The following TCERG1 variants were observed in gnomAD, a reference collection of about 807,000 sequenced individuals.
The protein encoded by TCERG1 is transcription elongation regulator 1.
In TCERG1, 37 loss-of-function variants were observed where a neutral mutation model predicts 144.7. That is an observed-to-expected ratio of 0.26 (90% CI 0.20 to 0.34). The LOEUF (loss-of-function observed/expected upper bound fraction) is 0.34. Among genes scored for constraint, TCERG1 ranks in the 10% least tolerant of loss-of-function variants. TCERG1 has a pLI of 1.00. For missense variants in TCERG1, 1,027 were observed against 1,380.7 expected (o/e 0.74, Z 4.06); for synonymous variants, 492 against 458.2 (o/e 1.07, Z -0.94).
rs867965453 is a variant in TCERG1 at position 146,503,974 on chromosome 5, A to C, written c.2749A>C (p.Ile917Leu). Residue 917 changes from isoleucine (I) to leucine (L), a missense_variant, in exon 19 of 23, where the codon ATC becomes CTC. This residue lies in a region of TCERG1 where 133 missense variants were observed against 283.2 expected (regional missense o/e 0.47). Transcript: ENST00000679501. Reference protein sequence around the residue: ...EREQHKREEAIQNFKALLSDM... With the variant: ...EREQHKREEALQNFKALLSDM... ...AGAGCAGCACAAACGAGAAGAAGCTATCCAGAATTTCAAAGCTCTTCTGTC... is the reference window on the plus strand; with the variant it reads ...AGAGCAGCACAAACGAGAAGAAGCTCTCCAGAATTTCAAAGCTCTTCTGTC... The C allele has an allele frequency of 6.3e-7, 1 of 1,590,810 alleles. No homozygotes were observed. The highest frequency in any genetic ancestry group is 2.2e-5 in the East Asian group (1 of 44,652).
At position 146,454,199 on chromosome 5, in the gene TCERG1, CA is replaced by C. The variant is rs781116110; in HGVS notation, c.60-845del. 8.9e-3 allele frequency among the ~76,000 whole-genome samples: 1,093 copies of C among 122,826 alleles called. 18 individuals are homozygous for C. Among genetic ancestry groups the C allele is most frequent in the African/African-American group, 0.026 (853 of 32,810 alleles). The allele number at this position is 122,826 out of a possible 152,430, so 80.6% of individuals were successfully genotyped here. A position where few individuals can be genotyped will look rare whatever the true frequency, so the allele number is the denominator to read the frequency against. ...CTGGCAAGAGAGTGAGACTTGGTCT[CA>C]AAAAAAAAAAAGAAAAGAAAAGAAA... is the stretch of plus-strand genomic sequence containing the variant. On this transcript the variant is annotated intron_variant, in intron 1 of 22. Coordinates refer to ENST00000679501, the MANE Select transcript of TCERG1 (RefSeq NM_001382548.1).
At chr5:146,506,653 C>T (rs1768025505) in intron 19 of TCERG1, among the ~76,000 whole-genome samples, 1 of 152,218 alleles carries the variant, frequency 6.6e-6, no homozygotes, top group Non-Finnish European at 1.5e-5. Context: ...ACTCCTCATT[C>T]TCTCCCTTGT....
intron 15 of TCERG1, among the ~76,000 whole-genome samples, chr5:146,489,003 C>T (rs1278059254): frequency 6.6e-6 from 1 of 152,128 alleles, no homozygotes; most frequent in Admixed American, 6.5e-5. Context: ...AAGTTGATGT[C>T]ATAGAAGTCA....
intron 14 of TCERG1, among the ~76,000 whole-genome samples, chr5:146,483,011 G>A (rs1461467247): frequency 6.6e-6 from 1 of 152,032 alleles, no homozygotes; most frequent in Non-Finnish European, 1.5e-5. Flanking sequence ...TTACAGAATG[G>A]CGGACTGCTT....
At chr5:146,475,781 G>T (rs2082402) in intron 9 of TCERG1, among the ~76,000 whole-genome samples, 1 of 152,048 alleles carries the variant, frequency 6.6e-6, no homozygotes, top group African/African-American at 2.4e-5. Flanking sequence ...TCATTAACTG[G>T]GATGCTTATA....
rs1561710111 is a variant in TCERG1, at chr5:146,507,218, C to CT, written c.2961+13dup. 6.4e-7 allele frequency: 1 copy of CT among 1,560,202 alleles called. No individual in the cohort carries two copies. On this transcript the variant is annotated intron_variant, in intron 20 of 22. Coordinates refer to ENST00000679501, the MANE Select transcript of TCERG1 (RefSeq NM_001382548.1). This position sits in a 1 kb window ranked among gnomAD's most constrained non-coding sequence, Gnocchi z 4.6. The stretch of plus-strand genomic sequence containing the variant: ...GATGAAACTTCTGCAGTAAGAATCT[C>CT]TTATTTTTCTCATTTTAATCTGGAT...
chr5:146,490,470 T>G (rs1460540367), intron 15 of TCERG1, among the ~76,000 whole-genome samples: 2 of 152,240 alleles, frequency 1.3e-5, no homozygotes, highest in African/African-American at 4.8e-5. Context: ...GTACCCTTAT[T>G]TGGAATTGTT....
rs541101733 is a variant in TCERG1 at position 146,479,041 on chromosome 5, C to G, written c.1762+388C>G. Among the ~76,000 whole-genome samples the G allele has an allele frequency of 5.5e-4, 83 of 152,178 alleles. 1 individual carries two copies. The highest frequency in any genetic ancestry group is 1.9e-3 in the African/African-American group (81 of 41,548). On this transcript the variant is annotated intron_variant, in intron 10 of 22. Coordinates refer to ENST00000679501, the MANE Select transcript of TCERG1 (RefSeq NM_001382548.1). ...ATACATTACAAATTTTTTAAAAATA[C>G]AAAATCTCAATCTTTTGAATTAGAT...
At chr5:146,454,391 C>T (rs1762638265) in intron 1 of TCERG1, among the ~76,000 whole-genome samples, 1 of 151,858 alleles carries the variant, frequency 6.6e-6, no homozygotes, top group African/African-American at 2.4e-5. Context: ...CAAGGTATTG[C>T]CTAATTTCCT....
chr5:146,459,126 CCAGGCT>C lies in TCERG1; in HGVS notation c.693_698del (p.Ala241_Gln242del), dbSNP rs747038272. 26 of 1,601,218 alleles carry C rather than the reference CCAGGCT, an allele frequency of 1.6e-5. No individual in the cohort carries two copies. Among genetic ancestry groups the C allele is most frequent in the African/African-American group, 2.7e-5 (2 of 74,150 alleles). On this transcript the variant is annotated inframe_deletion, in exon 4 of 23. Transcript: ENST00000679501. Reference sequence around the variant, plus strand: ...CCCAGGCCCAAGCCCAAGCCCAGGCCCAGGCTCAGGCTCAGGCACAAGCTCAGGCCC... The same window carrying C: ...CCCAGGCCCAAGCCCAAGCCCAGGCCCAGGCTCAGGCACAAGCTCAGGCCC...
chr5:146,447,607 TGC>T (rs1761976068), intron 1 of TCERG1, among the ~76,000 whole-genome samples, 199 bp downstream of exon 1: 1 of 152,230 alleles, frequency 6.6e-6, no homozygotes, highest in African/African-American at 2.4e-5. Flanking sequence ...CAGGGCCTCC[TGC>T]GCGTTCCCTG....
chr5:146,480,223 A>G (rs2150529378), intron 12 of TCERG1, 129 bp downstream of exon 12: 1 of 591,072 alleles, frequency 1.7e-6, no homozygotes, highest in South Asian at 3.0e-5. Flanking sequence ...CTTAGGCCTG[A>G]TAATAAATAG....
chr5:146,469,687 T>A lies in TCERG1; in HGVS notation c.1342T>A (p.Tyr448Asn). The A allele has an allele frequency of 6.2e-7, 1 of 1,612,582 alleles. No individual in the cohort carries two copies. The highest frequency in any genetic ancestry group is 8.5e-7 in the Non-Finnish European group (1 of 1,179,174). Residue 448 changes from tyrosine (Y) to asparagine (N), a missense_variant, in exon 7 of 23, where the codon TAT becomes AAT. Tyr to Asn is a moderately radical substitution (Grantham distance 143). Transcript: ENST00000679501. ...YKTADGKTYY[Y>N]NNRTLESTWE... The stretch of plus-strand genomic sequence containing the variant: ...AACAGCAGATGGGAAGACATATTAT[T>A]ATAATAATAGAACATTAGAATCAAC...
rs921600249 is a variant in TCERG1 at position 146,498,925 on chromosome 5, T to C, written c.2433+239T>C. On this transcript the variant is annotated intron_variant, in intron 17 of 22. Transcript: ENST00000679501. ...ACTTTTGCTTTAAATTGTGTTAATA[T>C]TAAGATGCCTGGTAAACTCAGAACA... 2.0e-5 allele frequency among the ~76,000 whole-genome samples: 3 copies of C among 152,198 alleles called. No homozygotes were observed. The South Asian group carries it at 6.2e-4, about 32-fold the overall frequency.
Position 146,457,087 on chromosome 5 carries a change from A to G in TCERG1, c.286-96A>G, listed in dbSNP as rs531906059. 3.8e-5 allele frequency: 56 copies of G among 1,471,818 alleles called. No individual in the cohort carries two copies. In the African/African-American group the frequency reaches 7.2e-4, roughly 19 times the overall value. 91.2% of individuals were successfully genotyped at this position (1,471,818 alleles called of 1,614,324 possible). A position where few individuals can be genotyped will look rare whatever the true frequency, so the allele number is the denominator to read the frequency against. On this transcript the variant is annotated intron_variant, in intron 2 of 22. Coordinates refer to ENST00000679501, the MANE Select transcript of TCERG1 (RefSeq NM_001382548.1). Reference sequence around the variant, plus strand: ...ATGTGTTTGAATAGACTATAAAACTAGTTTCTCTTACAGTGTTTTACTTTT... The same window carrying G: ...ATGTGTTTGAATAGACTATAAAACTGGTTTCTCTTACAGTGTTTTACTTTT...
chr5:146,509,356 G>A, intron 22 of TCERG1, 111 bp downstream of exon 22: 1 of 700,938 alleles, frequency 1.4e-6, no homozygotes, highest in Non-Finnish European at 2.3e-6. Context: ...TTAATTTTTA[G>A]GGATAAGAAG....
chr5:146,455,031 A>T, intron 1 of TCERG1, 25 bp from the exon 2 acceptor site: 1 of 1,609,902 alleles, frequency 6.2e-7, no homozygotes, highest in Non-Finnish European at 8.5e-7. Context: ...AGAAAGAAAA[A>T]TTTATTCCTT....
At chr5:146,447,465 G>T (rs1483523485) in intron 1 of TCERG1, 57 bp downstream of exon 1, 15 of 1,572,368 alleles carry the variant, frequency 9.5e-6, no homozygotes, top group Non-Finnish European at 1.3e-5. Flanking sequence ...GAGGCTAGAC[G>T]CTAGACCTGC....
intron 16 of TCERG1, 122 bp downstream of exon 16, chr5:146,493,160 A>T: frequency 1.4e-6 from 1 of 714,160 alleles, no homozygotes; most frequent in Non-Finnish European, 2.2e-6. Flanking sequence ...TTATTTGATT[A>T]TCGGTTTTTG....
Sources: allele counts gnomAD v4.1 joint callset (sites outside exome capture counted in the v4.1 genomes callset), GRCh38; gene constraint gnomAD v4.1.1; regional missense constraint gnomAD v4.1.1; non-coding constraint Gnocchi (gnomAD v3.1); transcripts MANE v1.5; gene names NCBI Gene and HGNC (gene_info 2026-07-23, HGNC 2026-07-21).